HOOK1: variants seen among roughly 807,000 people sequenced by gnomAD.
The protein encoded by HOOK1 is protein Hook homolog 1.
In HOOK1, 60 loss-of-function variants were observed where a neutral mutation model predicts 112.8. The observed-to-expected ratio is 0.53, with a 90% CI of 0.43 to 0.66. The LOEUF (loss-of-function observed/expected upper bound fraction) is 0.66. Among genes scored for constraint, HOOK1 ranks in the 30% least tolerant of loss-of-function variants. The pLI is 0.00. For synonymous variants in HOOK1, 294 were observed against 283.8 expected (o/e 1.04, Z -0.36); for missense variants, 770 against 856.0 (o/e 0.90, Z 1.25).
chr1:59,870,140 G>T (rs1359918606), intron 20 of HOOK1, among the ~76,000 whole-genome samples: 1 of 152,120 alleles, frequency 6.6e-6, no homozygotes, highest in Non-Finnish European at 1.5e-5. Flanking sequence ...AAGTTGCTCT[G>T]TTTATGTCCC....
chr1:59,838,568 G>C (rs2098399273), intron 7 of HOOK1, among the ~76,000 whole-genome samples: 1 of 151,994 alleles, frequency 6.6e-6, no homozygotes, highest in Non-Finnish European at 1.5e-5. Context: ...TTGTAAATTT[G>C]TTTAAGTTCT....
At chr1:59,846,539 C>CTTCT in intron 9 of HOOK1, among the ~76,000 whole-genome samples, 1 of 21,780 alleles carries the variant, frequency 4.6e-5, no homozygotes, top group East Asian at 1.9e-3. Context: ...TCCTTCCTTC[C>CTTCT]TTCCTTCCTT....
At chr1:59,827,571 C>T (rs1430702492) in intron 2 of HOOK1, among the ~76,000 whole-genome samples, 3 of 152,044 alleles carry the variant, frequency 2.0e-5, no homozygotes, top group African/African-American at 7.2e-5. Context: ...TAAATTGTTT[C>T]GGTAATTGCA....
intron 8 of HOOK1, 111 bp from the exon 9 acceptor site, chr1:59,843,320 GC>G: frequency 1.1e-5 from 7 of 634,194 alleles, no homozygotes; most frequent in Non-Finnish European, 1.8e-5. Context: ...GACAGACCAA[GC>G]TATTTAATGG....
At position 59,821,758 on chromosome 1, in the gene HOOK1, T is replaced by G. The variant is rs149256371; in HGVS notation, c.64-100T>G. The G allele has an allele frequency of 1.2e-3, 992 of 820,462 alleles. 8 individuals carry two copies. In the African/African-American group the frequency reaches 0.014, roughly 11 times the overall value. The allele number at this position is 820,462 out of a possible 1,614,324, so 50.8% of individuals were successfully genotyped here. On this transcript the variant is annotated intron_variant, in intron 1 of 21. Transcript: ENST00000371208. ...AACAAAACAGGACCATGTTTTTTTT[T>G]TTTGTTTTTTTTAGCTGTTTTCAAT...
intron 4 of HOOK1, among the ~76,000 whole-genome samples, chr1:59,832,918 CT>C (rs969731321): frequency 9.5e-4 from 144 of 151,958 alleles, no homozygotes; most frequent in African/African-American, 3.3e-3. Flanking sequence ...GCCAAGAACC[CT>C]TTTAATCAGC....
chr1:59,838,120 G>T (rs1410889002), intron 7 of HOOK1, among the ~76,000 whole-genome samples: 3 of 152,142 alleles, frequency 2.0e-5, no homozygotes, highest in Non-Finnish European at 2.9e-5. Context: ...TTGGTTCCAA[G>T]TCTTTGCTAT....
chr1:59,852,942 TCTC>T (rs1049190419), intron 12 of HOOK1, among the ~76,000 whole-genome samples: 3 of 151,970 alleles, frequency 2.0e-5, no homozygotes, highest in Admixed American at 2.0e-4. Flanking sequence ...ATATCCTAAA[TCTC>T]CTTGTGTCAT....
At chr1:59,849,220 G>A (rs1335252770) in intron 12 of HOOK1, 37 bp downstream of exon 12, 2 of 1,382,086 alleles carry the variant, frequency 1.4e-6, no homozygotes, top group Non-Finnish European at 2.0e-6. Flanking sequence ...ATATTTCATT[G>A]TTCTTTTAGT....
At chr1:59,864,069 C>G (rs1249631558) in intron 16 of HOOK1, among the ~76,000 whole-genome samples, 1 of 151,846 alleles carries the variant, frequency 6.6e-6, no homozygotes, top group Non-Finnish European at 1.5e-5. Flanking sequence ...TGCGGAACGA[C>G]TATTGCAATT....
chr1:59,859,074 T>G (rs781214742), intron 14 of HOOK1, 29 bp downstream of exon 14: 8 of 1,068,676 alleles, frequency 7.5e-6, no homozygotes, highest in Non-Finnish European at 8.8e-6. Context: ...TTGATAGAAT[T>G]ATATTTAATA....
At chr1:59,862,723 T>C (rs973316867) in intron 15 of HOOK1, 61 bp from the exon 16 acceptor site, 1 of 959,142 alleles carries the variant, frequency 1.0e-6, no homozygotes, top group African/African-American at 1.6e-5. Flanking sequence ...TGTACCTTTG[T>C]AGATCCTTAA....
intron 17 of HOOK1, 197 bp downstream of exon 17, chr1:59,864,863 T>A: frequency 1.8e-6 from 1 of 554,048 alleles, no homozygotes; most frequent in Non-Finnish European, 3.2e-6. Context: ...CATCTTTCCA[T>A]TGTTAATATC....
intron 12 of HOOK1, among the ~76,000 whole-genome samples, chr1:59,850,075 A>AT (rs1249784758): frequency 7.9e-5 from 12 of 151,510 alleles, no homozygotes; most frequent in Admixed American, 7.9e-4. Context: ...GTGGATATAA[A>AT]TTGGCATGTC....
At chr1:59,816,061 A>T (rs1387309641) in intron 1 of HOOK1, among the ~76,000 whole-genome samples, 1 of 152,186 alleles carries the variant, frequency 6.6e-6, no homozygotes, top group Admixed American at 6.5e-5. Flanking sequence ...GATGAGCCAC[A>T]AGGTGCTGTT....
intron 1 of HOOK1, 50 bp downstream of exon 1, chr1:59,815,230 G>A: frequency 6.6e-7 from 1 of 1,513,142 alleles, no homozygotes; most frequent in Non-Finnish European, 8.9e-7. Flanking sequence ...CCGAGGCGAG[G>A]AGCCTGGGGC....
chr1:59,862,230 AG>A (rs759225441), intron 15 of HOOK1, among the ~76,000 whole-genome samples: 13 of 152,204 alleles, frequency 8.5e-5, no homozygotes, highest in African/African-American at 1.2e-4. Context: ...ATAGAGGGAG[AG>A]GGAGATACTA....
chr1:59,867,666 T>C (rs1482122586), intron 19 of HOOK1, among the ~76,000 whole-genome samples: 1 of 152,170 alleles, frequency 6.6e-6, no homozygotes, highest in East Asian at 1.9e-4. Context: ...TACATTCTGG[T>C]CAAACATATC....
In HOOK1 at chr1:59,874,483, T is replaced by C. The variant is rs1022493513; in HGVS notation, c.*1518T>C. ...GTTCAACATACATACCTATCAGCAG[T>C]GTGTTTAGACCAGGGGTCTGCAAAC... On this transcript the variant is annotated 3_prime_UTR_variant, in exon 22 of 22. Coordinates refer to ENST00000371208, the MANE Select transcript of HOOK1 (RefSeq NM_015888.6). The C allele has an allele frequency of 6.6e-6, 1 of 152,192 alleles. No individual in the cohort carries two copies. Among genetic ancestry groups the C allele is most frequent in the African/African-American group, 2.4e-5 (1 of 41,450 alleles). 9.4% of individuals were successfully genotyped at this position (152,192 alleles called of 1,614,324 possible).
Sources: allele counts gnomAD v4.1 joint callset (sites outside exome capture counted in the v4.1 genomes callset), GRCh38; gene constraint gnomAD v4.1.1; transcripts MANE v1.5; gene names NCBI Gene and HGNC (gene_info 2026-07-23, HGNC 2026-07-21).